The following DNAH5 variants were observed in gnomAD, a reference collection of about 807,000 sequenced individuals.
DNAH5 encodes the protein dynein axonemal heavy chain 5.
A neutral mutation model predicts 518.2 loss-of-function variants in DNAH5; 372 were observed. The observed-to-expected ratio is 0.72, with a 90% CI of 0.66 to 0.78. The LOEUF is 0.78. Ranked by LOEUF, DNAH5 falls within the 30% of genes least tolerant of loss-of-function variation. DNAH5 has a pLI of 0.00. For synonymous variants in DNAH5, 2,039 were observed against 2,025.9 expected (o/e 1.01, Z -0.17); for missense variants, 5,523 against 5,687.0 (o/e 0.97, Z 0.93).
intron 1 of DNAH5, 136 bp from the exon 2 acceptor site, chr5:13,931,380 T>A: frequency 1.2e-6 from 1 of 853,660 alleles, no homozygotes; most frequent in Non-Finnish European, 1.9e-6. Context: ...TACCAATTTT[T>A]ATGTACTATC....
intron 2 of DNAH5, among the ~76,000 whole-genome samples, chr5:13,930,670 G>A (rs944912660): frequency 2.0e-5 from 3 of 152,166 alleles, no homozygotes; most frequent in African/African-American, 2.4e-5. Flanking sequence ...GGGAACAAAA[G>A]CAAGCAGGTT....
intron 1 of DNAH5, among the ~76,000 whole-genome samples, chr5:14,006,777 A>G (rs2152088066): frequency 6.6e-6 from 1 of 152,314 alleles, no homozygotes; most frequent in East Asian, 1.9e-4. Flanking sequence ...TCCTTTTACT[A>G]AATTCTAAGT....
chr5:13,925,518 G>A (rs1334472593), intron 3 of DNAH5, among the ~76,000 whole-genome samples: 1 of 152,152 alleles, frequency 6.6e-6, no homozygotes, highest in East Asian at 1.9e-4. Flanking sequence ...GGCTGGGGAA[G>A]CCTCACAATC....
chr5:13,986,390 G>A lies in DNAH5; in HGVS notation c.12+25258C>T, dbSNP rs1783056897. ...AATGGCTGAGCCCTTTCACCCTACA[G>A]GGTTGACTGGATCAGAGGAGAACCC... On this transcript the variant is annotated intron_variant, in intron 1 of 78. Coordinates refer to the DNAH5 transcript ENST00000681290. Among the ~76,000 whole-genome samples the A allele has an allele frequency of 2.0e-5, 3 of 152,130 alleles. No homozygotes were observed. The South Asian group carries it at 6.2e-4, about 31-fold the overall frequency.
intron 19 of DNAH5, 101 bp from the exon 20 acceptor site, chr5:13,883,195 A>C: frequency 8.5e-7 from 1 of 1,179,124 alleles, no homozygotes; most frequent in Admixed American, 2.0e-5. Context: ...AATAGGTATA[A>C]AATCTAATAA....
intron 75 of DNAH5, among the ~76,000 whole-genome samples, chr5:13,712,133 A>G (rs1296673064): frequency 1.3e-5 from 2 of 152,202 alleles, no homozygotes; most frequent in Non-Finnish European, 2.9e-5. Context: ...ACATAGACCA[A>G]CTGAATAGAA....
At chr5:13,954,307 A>C (rs1215732872) in intron 1 of DNAH5, among the ~76,000 whole-genome samples, 3 of 152,226 alleles carry the variant, frequency 2.0e-5, no homozygotes, top group Non-Finnish European at 4.4e-5. Flanking sequence ...AAGTGAAATA[A>C]TAAAGTACTA....
chr5:13,756,275 G>T (rs1750987363), intron 61 of DNAH5, among the ~76,000 whole-genome samples: 1 of 152,182 alleles, frequency 6.6e-6, no homozygotes, highest in East Asian at 1.9e-4. Flanking sequence ...GGAGTCCTAT[G>T]GAGGGAGAAG....
chr5:13,848,357 A>G (rs1440786205), intron 31 of DNAH5, among the ~76,000 whole-genome samples: 1 of 152,200 alleles, frequency 6.6e-6, no homozygotes, highest in Non-Finnish European at 1.5e-5. Flanking sequence ...GTGATACTCT[A>G]TGGCAGCAGT....
At chr5:13,810,765 CA>C (rs552513435) in intron 44 of DNAH5, among the ~76,000 whole-genome samples, 1 of 146,316 alleles carries the variant, frequency 6.8e-6, no homozygotes, top group African/African-American at 2.6e-5. Flanking sequence ...AAAAACAAAA[CA>C]AACAAACAAA....
chr5:13,960,921 GAGA>G (rs1781133209), intron 1 of DNAH5, among the ~76,000 whole-genome samples: 1 of 152,216 alleles, frequency 6.6e-6, no homozygotes, highest in African/African-American at 2.4e-5. Context: ...CACAAGAAGA[GAGA>G]AGAACTGGAA....
chr5:13,794,224 C>T (rs1757481401), intron 47 of DNAH5, among the ~76,000 whole-genome samples, 166 bp from the exon 48 acceptor site: 1 of 152,180 alleles, frequency 6.6e-6, no homozygotes, highest in Non-Finnish European at 1.5e-5. Flanking sequence ...CCTAAATTAT[C>T]TTGTATAACA....
At chr5:13,822,102 G>A (rs1762308813) in intron 40 of DNAH5, among the ~76,000 whole-genome samples, 1 of 151,854 alleles carries the variant, frequency 6.6e-6, no homozygotes, top group East Asian at 1.9e-4. Flanking sequence ...CTTTTAGGTA[G>A]TGTTAAAATT....
At chr5:13,939,629 T>C (rs1481515092) in intron 1 of DNAH5, among the ~76,000 whole-genome samples, 1 of 152,106 alleles carries the variant, frequency 6.6e-6, no homozygotes, top group East Asian at 1.9e-4. Flanking sequence ...AAGAGGCTGC[T>C]CTGTGATGCT....
rs148523830 is a variant in DNAH5 at position 13,827,137 on chromosome 5, T to C, written c.6444+2373A>G. Among the ~76,000 whole-genome samples the C allele has an allele frequency of 1.4e-4, 21 of 152,214 alleles. No individual in the cohort carries two copies. The East Asian group carries it at 4.1e-3, about 29-fold the overall frequency. On this transcript the variant is annotated intron_variant, in intron 38 of 78. Coordinates refer to ENST00000265104, the MANE Select transcript of DNAH5 (RefSeq NM_001369.3). ...AACTTGAGAGAAATAATTTAGGGTA[T>C]CTGGTGGAAGAAATTTCTAAGCGGC...
chr5:13,894,577 A>T (rs1364192898), intron 16 of DNAH5, 73 bp downstream of exon 16: 2 of 1,495,632 alleles, frequency 1.3e-6, no homozygotes, highest in African/African-American at 2.8e-5. Context: ...CCATATTGAT[A>T]AGAAATTATT....
At chr5:13,851,499 T>A (rs795523) in intron 30 of DNAH5, among the ~76,000 whole-genome samples, 9,362 of 151,590 alleles carry the variant, frequency 0.062, 302 homozygotes, top group African/African-American at 0.079. Context: ...TTGTAGAAAC[T>A]GGGTTTCATC....
At chr5:13,929,792 G>C (rs1406074854) in intron 2 of DNAH5, among the ~76,000 whole-genome samples, 1 of 152,134 alleles carries the variant, frequency 6.6e-6, no homozygotes, top group Non-Finnish European at 1.5e-5. Context: ...GTTTAACCTG[G>C]TATCCCTACA....
intron 47 of DNAH5, among the ~76,000 whole-genome samples, chr5:13,805,549 T>C (rs148397962): frequency 3.3e-5 from 5 of 152,116 alleles, no homozygotes; most frequent in African/African-American, 1.2e-4. Context: ...TGTAATCAAG[T>C]ATGCCTATGT....
Sources: allele counts gnomAD v4.1 joint callset (sites outside exome capture counted in the v4.1 genomes callset), GRCh38; gene constraint gnomAD v4.1.1; transcripts MANE v1.5; gene names NCBI Gene and HGNC (gene_info 2026-07-23, HGNC 2026-07-21).